ETV6: variants seen among roughly 807,000 people sequenced by gnomAD.
The protein encoded by ETV6 is ETS variant transcription factor 6.
Under a neutral mutation model 51.1 loss-of-function variants are expected in ETV6, and 16 were observed. The observed-to-expected ratio is 0.31, with a 90% CI of 0.21 to 0.48. ETV6 has a LOEUF of 0.48. Among genes scored for constraint, ETV6 ranks in the 20% least tolerant of loss-of-function variants. ETV6 has a pLI of 0.99. For synonymous variants in ETV6, 240 were observed against 224.1 expected (o/e 1.07, Z -0.64); for missense variants, 458 against 594.8 (o/e 0.77, Z 2.39).
chr12:11,752,576 C>G lies in ETV6; in HGVS notation c.160C>G (p.Leu54Val). 6.2e-7 allele frequency: 1 copy of G among 1,611,626 alleles called. No homozygotes were observed. Among genetic ancestry groups the G allele is most frequent in the Non-Finnish European group, 8.5e-7 (1 of 1,179,478 alleles). Residue 54 changes from leucine (L) to valine (V), a missense_variant, in exon 2 of 8, where the codon CTG becomes GTG. By Grantham distance (32) the Leu-to-Val change is conservative. Around this residue, in one of 4 missense-constraint regions of ETV6, gnomAD observed 84 missense variants for 75.9 expected, o/e 1.11. Coordinates refer to ENST00000396373, the MANE Select transcript of ETV6 (RefSeq NM_001987.5). Reference protein sequence around the residue: ...EEDSIRLPAHLRLQPIYWSRD... With the variant: ...EEDSIRLPAHVRLQPIYWSRD... ...AGACTCGATCCGCCTGCCTGCGCACCTGCGTGAGTGTTCGTGACCCGAGAG... is the reference window on the plus strand; with the variant it reads ...AGACTCGATCCGCCTGCCTGCGCACGTGCGTGAGTGTTCGTGACCCGAGAG...
At chr12:11,886,471 T>A (rs1947186692) in intron 7 of ETV6, among the ~76,000 whole-genome samples, 1 of 152,142 alleles carries the variant, frequency 6.6e-6, no homozygotes, top group Admixed American at 6.5e-5. Flanking sequence ...AGAGCTTTTT[T>A]TTTTTAATGA....
chr12:11,668,567 G>T (rs1864242051), intron 1 of ETV6, among the ~76,000 whole-genome samples: 1 of 152,176 alleles, frequency 6.6e-6, no homozygotes, highest in African/African-American at 2.4e-5. Flanking sequence ...TCCAAAGACA[G>T]CACAGACGCC....
rs562207397 is a variant in ETV6, at chr12:11,835,224, A to G, written c.164-3916A>G. Among the ~76,000 whole-genome samples, 17 of 152,370 alleles carry G rather than the reference A, an allele frequency of 1.1e-4. 1 individual carries two copies. Among genetic ancestry groups the G allele is most frequent in the Middle Eastern group, 6.8e-3 (2 of 294 alleles). On this transcript the variant is annotated intron_variant, in intron 2 of 7. Transcript: ENST00000396373. ...TCACAGCAGTTCACTTTCTCTGTAC[A>G]AAATTCTTTTCAAATATTCTCTGAA...
chr12:11,709,897 G>A (rs142991942), intron 1 of ETV6, among the ~76,000 whole-genome samples: 4 of 152,274 alleles, frequency 2.6e-5, no homozygotes, highest in African/African-American at 9.6e-5. Context: ...ACATAAGCCA[G>A]TTCCTTAAAA....
chr12:11,872,914 A>C (rs184741234), intron 5 of ETV6, among the ~76,000 whole-genome samples: 2 of 152,098 alleles, frequency 1.3e-5, no homozygotes, highest in African/African-American at 4.8e-5. Context: ...CTGGGTGTCT[A>C]TGGGTGCCCG....
At chr12:11,665,322 G>A (rs1361712198) in intron 1 of ETV6, among the ~76,000 whole-genome samples, 1 of 152,226 alleles carries the variant, frequency 6.6e-6, no homozygotes, top group Non-Finnish European at 1.5e-5. Context: ...TTTATGCCTG[G>A]AATCTTCCCT....
chr12:11,778,836 G>T (rs1233876622), intron 2 of ETV6, among the ~76,000 whole-genome samples: 1 of 152,196 alleles, frequency 6.6e-6, no homozygotes, highest in Admixed American at 6.5e-5. Context: ...AGGATAAAAG[G>T]CCTTAGAGGA....
intron 2 of ETV6, among the ~76,000 whole-genome samples, chr12:11,836,118 T>G (rs945918991): frequency 4.3e-4 from 66 of 152,352 alleles, no homozygotes; most frequent in African/African-American, 1.4e-3. Context: ...CAAGGCTCTA[T>G]CCCATTTAGA....
chr12:11,745,514 T>C (rs75454847), intron 1 of ETV6, among the ~76,000 whole-genome samples: 2 of 152,290 alleles, frequency 1.3e-5, no homozygotes, highest in African/African-American at 2.4e-5. Context: ...AAATCTTTTT[T>C]CCCCCACAGG....
At chr12:11,676,709 A>G (rs1451576724) in intron 1 of ETV6, among the ~76,000 whole-genome samples, 1 of 152,148 alleles carries the variant, frequency 6.6e-6, no homozygotes, top group Non-Finnish European at 1.5e-5. Context: ...CCTTGTTTGT[A>G]TGCATCATTT....
At chr12:11,717,793 C>T (rs1463416047) in intron 1 of ETV6, among the ~76,000 whole-genome samples, 1 of 152,166 alleles carries the variant, frequency 6.6e-6, no homozygotes, top group Non-Finnish European at 1.5e-5. Flanking sequence ...TACCCAGAGA[C>T]ACTCTACACT....
intron 2 of ETV6, among the ~76,000 whole-genome samples, chr12:11,769,137 T>A (rs1210247618): frequency 6.6e-6 from 1 of 152,226 alleles, no homozygotes; most frequent in African/African-American, 2.4e-5. Flanking sequence ...TATCTAAAAC[T>A]TACATAGCTC....
chr12:11,778,908 C>CT (rs1202095833), intron 2 of ETV6, among the ~76,000 whole-genome samples: 6 of 152,208 alleles, frequency 3.9e-5, no homozygotes, highest in African/African-American at 1.2e-4. Context: ...GGGCTGCCCC[C>CT]TTATTGTAGC....
intron 2 of ETV6, among the ~76,000 whole-genome samples, chr12:11,833,070 A>G (rs1946267024): frequency 1.3e-5 from 2 of 152,260 alleles, no homozygotes; most frequent in Admixed American, 6.5e-5. Context: ...ATAAAATGTA[A>G]TATCAATTAA....
rs1326491601 is a variant in ETV6, at chr12:11,777,748, A to G, written c.163+25169A>G. ...TCTTCATTCCAAACCCTTCCCCCTG[A>G]CCCACCTCCACCCCCCACCCTAGCA... is the stretch of plus-strand genomic sequence containing the variant. On this transcript the variant is annotated intron_variant, in intron 2 of 7. Transcript: ENST00000396373. 2.0e-5 allele frequency among the ~76,000 whole-genome samples: 3 copies of G among 150,626 alleles called. No individual in the cohort carries two copies. In the East Asian group the frequency reaches 5.9e-4, roughly 29 times the overall value.
At chr12:11,717,884 C>A (rs74060810) in intron 1 of ETV6, among the ~76,000 whole-genome samples, 1 of 152,328 alleles carries the variant, frequency 6.6e-6, no homozygotes, top group African/African-American at 2.4e-5. Context: ...ACAACCCGTT[C>A]TCTAGCTGAG....
chr12:11,795,363 T>A (rs1270456691), intron 2 of ETV6, among the ~76,000 whole-genome samples: 1 of 152,256 alleles, frequency 6.6e-6, no homozygotes, highest in Non-Finnish European at 1.5e-5. Flanking sequence ...ATTCTGCCTC[T>A]GATTCCCTAT....
intron 2 of ETV6, among the ~76,000 whole-genome samples, chr12:11,828,897 AT>A (rs1348582830): frequency 6.6e-6 from 1 of 152,120 alleles, no homozygotes; most frequent in Non-Finnish European, 1.5e-5. Flanking sequence ...ACATGACTTA[AT>A]CTTGATTACT....
intron 2 of ETV6, among the ~76,000 whole-genome samples, chr12:11,821,094 G>A (rs896548759): frequency 6.6e-6 from 1 of 152,186 alleles, no homozygotes; most frequent in Non-Finnish European, 1.5e-5. Flanking sequence ...TGGGCACGGT[G>A]GCTCACGCCT....
Sources: gnomAD v4.1 joint callset for allele counts (sites outside exome capture counted in the v4.1 genomes callset) on GRCh38, gnomAD v4.1.1 for gene constraint, gnomAD v4.1.1 regional missense constraint, MANE v1.5 for transcripts, NCBI Gene and HGNC (gene_info 2026-07-23, HGNC 2026-07-21) for gene names.